Variants in BRWD1 observed in about 807,000 individuals in gnomAD.
BRWD1 encodes bromodomain and WD repeat-containing protein 1.
In BRWD1, 82 loss-of-function variants were observed where a neutral mutation model predicts 251.2. That is an observed-to-expected ratio of 0.33 (90% confidence interval 0.27 to 0.39). The LOEUF is 0.39. Ranked by LOEUF, BRWD1 falls within the 10% of genes least tolerant of loss-of-function variation. BRWD1 has a pLI of 1.00. For missense variants in BRWD1, 2,233 were observed against 2,711.6 expected (o/e 0.82, Z 3.92); for synonymous variants, 918 against 902.8 (o/e 1.02, Z -0.30).
intron 15 of BRWD1, among the ~76,000 whole-genome samples, chr21:39,269,004 G>A (rs2035018096): frequency 6.6e-6 from 1 of 151,250 alleles, no homozygotes. Flanking sequence ...AAAAGAAAAA[G>A]AAAAGAAAAA....
At chr21:39,234,078 G>A (rs951990073) in intron 23 of BRWD1, among the ~76,000 whole-genome samples, 3 of 152,072 alleles carry the variant, frequency 2.0e-5, no homozygotes, top group African/African-American at 7.2e-5. Flanking sequence ...TTCATGAAGT[G>A]TATCAAAGTC....
intron 17 of BRWD1, among the ~76,000 whole-genome samples, chr21:39,264,182 C>T (rs1243966680): frequency 6.6e-6 from 1 of 152,040 alleles, no homozygotes; most frequent in Non-Finnish European, 1.5e-5. Flanking sequence ...TTTGGTTACA[C>T]ACTATAGATT....
intron 21 of BRWD1, among the ~76,000 whole-genome samples, chr21:39,246,680 A>G (rs1022573421): frequency 1.3e-5 from 2 of 152,260 alleles, no homozygotes; most frequent in African/African-American, 4.8e-5. Flanking sequence ...GGCAATAAAA[A>G]GTAAAAAAAG....
intron 38 of BRWD1, among the ~76,000 whole-genome samples, chr21:39,201,022 T>C (rs1049996075): frequency 6.6e-6 from 1 of 152,192 alleles, no homozygotes; most frequent in African/African-American, 2.4e-5. Context: ...CCATGTCTAC[T>C]CCCTTCTGTG....
intron 23 of BRWD1, among the ~76,000 whole-genome samples, chr21:39,234,669 C>A (rs1417861627): frequency 6.6e-6 from 1 of 152,210 alleles, no homozygotes; most frequent in Non-Finnish European, 1.5e-5. Flanking sequence ...ATTTCAATAG[C>A]ACCAACAGCT....
intron 13 of BRWD1, among the ~76,000 whole-genome samples, chr21:39,273,710 A>G (rs1001416071): frequency 7.9e-5 from 12 of 152,188 alleles, no homozygotes; most frequent in Admixed American, 3.3e-4. Flanking sequence ...TCACGATCAT[A>G]CCACTGGCGC....
At chr21:39,216,970 CCT>C (rs1193648939) in intron 31 of BRWD1, 7 of 134,966 alleles carry the variant, frequency 5.2e-5, no homozygotes, top group Non-Finnish European at 9.2e-5. Flanking sequence ...GTGTTGTTCC[CCT>C]CTGTGTGTCC....
In BRWD1 at chr21:39,255,619, T is replaced by C. The variant is rs192114259; in HGVS notation, c.2255+26A>G. The C allele has an allele frequency of 4.2e-4, 653 of 1,572,352 alleles. 1 individual carries two copies. The highest frequency in any genetic ancestry group is 5.5e-4 in the Non-Finnish European group (633 of 1,142,546). ...AAATATATTTTCACAGATAGAAACATTATAAATAGATATCCTAAAACAAAC... is the reference window on the plus strand; with the variant it reads ...AAATATATTTTCACAGATAGAAACACTATAAATAGATATCCTAAAACAAAC... On this transcript the variant is annotated intron_variant, in intron 19 of 40. Coordinates refer to ENST00000342449, the MANE Select transcript of BRWD1 (RefSeq NM_033656.4).
rs941694374 is a variant in BRWD1, at chr21:39,186,976, T to C, written c.*9283A>G. 10 of 1,508,654 alleles carry C rather than the reference T, an allele frequency of 6.6e-6. No individual in the cohort carries two copies. In the South Asian group the frequency reaches 1.4e-4, roughly 21 times the overall value. 93.5% of individuals were successfully genotyped at this position (1,508,654 alleles called of 1,614,324 possible). ...TGGGAGCAGAATGTAACTGCCAGTT[T>C]ACTTGTGTACCAATTGTTTTCAGAT... On this transcript the variant is annotated 3_prime_UTR_variant, in exon 41 of 41. Coordinates refer to ENST00000342449, the MANE Select transcript of BRWD1 (RefSeq NM_033656.4).
intron 6 of BRWD1, 65 bp from the exon 7 acceptor site, chr21:39,295,968 C>T: frequency 7.3e-7 from 1 of 1,362,696 alleles, no homozygotes; most frequent in East Asian, 2.5e-5. Flanking sequence ...AAGAAAAACT[C>T]AAATAACAAT....
chr21:39,272,958 C>G (rs2035165518), intron 13 of BRWD1, among the ~76,000 whole-genome samples: 1 of 152,142 alleles, frequency 6.6e-6, no homozygotes, highest in African/African-American at 2.4e-5. Context: ...TCCATTTCAT[C>G]AAGTTGATTC....
intron 32 of BRWD1, among the ~76,000 whole-genome samples, chr21:39,214,659 G>A (rs190176265): frequency 3.1e-3 from 478 of 151,764 alleles, no homozygotes; most frequent in Non-Finnish European, 5.6e-3. Flanking sequence ...TAAGTATACC[G>A]TAGTTATATA....
intron 1 of BRWD1, 36 bp downstream of exon 1, chr21:39,313,407 G>A (rs1279907507): frequency 3.4e-6 from 5 of 1,455,140 alleles, no homozygotes; most frequent in Non-Finnish European, 3.6e-6. Flanking sequence ...GCAGCCGGGA[G>A]CGCCAGGGCG....
chr21:39,294,654 C>CAAAAAA (rs35545105), intron 7 of BRWD1, among the ~76,000 whole-genome samples: 2 of 98,850 alleles, frequency 2.0e-5, no homozygotes, highest in African/African-American at 9.1e-5. Context: ...GACTCCGTCT[C>CAAAAAA]AAAAAAAAAA....
chr21:39,254,428 A>G (rs2034497389), intron 19 of BRWD1, among the ~76,000 whole-genome samples: 1 of 152,220 alleles, frequency 6.6e-6, no homozygotes, highest in African/African-American at 2.4e-5. Context: ...AGCCTTAGAA[A>G]AGAGGCTCCT....
chr21:39,280,688 T>G (rs1392484182), intron 8 of BRWD1, among the ~76,000 whole-genome samples: 1 of 152,176 alleles, frequency 6.6e-6, no homozygotes, highest in Admixed American at 6.5e-5. Flanking sequence ...AAGACTTAAG[T>G]ACAATTAAGG....
At position 39,187,984 on chromosome 21, in the gene BRWD1, C is replaced by T; in HGVS notation, c.*8275G>A. On this transcript the variant is annotated 3_prime_UTR_variant, in exon 41 of 41. Transcript: ENST00000342449. ...GACAAAAAGCACTTTGGAGAGTTAA[C>T]TACTTCATGCAGACTAAGGCAGTTT... 1.0e-6 allele frequency: 1 copy of T among 985,308 alleles called. No individual in the cohort carries two copies. 61.0% of individuals were successfully genotyped at this position (985,308 alleles called of 1,614,324 possible).
chr21:39,198,033 T>C (rs1257504194), intron 40 of BRWD1, among the ~76,000 whole-genome samples: 2 of 152,148 alleles, frequency 1.3e-5, no homozygotes, highest in African/African-American at 4.8e-5. Flanking sequence ...CTGTTTACCA[T>C]AGCACTAGCA....
intron 31 of BRWD1, chr21:39,217,054 TATATATATATATATATATATATATA>T (rs2032958360): frequency 4.6e-4 from 8 of 17,566 alleles, no homozygotes; most frequent in Middle Eastern, 0.036. Flanking sequence ...TATATATTTA[TATATATATATATATATATATATATA>T]TATATTTTTT....
Sources: gnomAD v4.1 joint callset for allele counts (sites outside exome capture counted in the v4.1 genomes callset) on GRCh38, gnomAD v4.1.1 for gene constraint, MANE v1.5 for transcripts, NCBI Gene and HGNC (gene_info 2026-07-23, HGNC 2026-07-21) for gene names.